The following CDK5RAP2 variants were observed in gnomAD, a reference collection of about 807,000 sequenced individuals.
CDK5RAP2 encodes CDK5 regulatory subunit-associated protein 2.
A neutral mutation model predicts 232.9 loss-of-function variants in CDK5RAP2; 147 were observed. That is an observed-to-expected ratio of 0.63 (90% CI 0.55 to 0.72). The LOEUF is 0.72. Among genes scored for constraint, CDK5RAP2 ranks in the 30% least tolerant of loss-of-function variants. The probability of loss-of-function intolerance (pLI) is 0.00; values close to 1 mark genes in which losing one functional copy is unlikely to be tolerated. For missense variants in CDK5RAP2, 2,195 were observed against 2,231.5 expected (o/e 0.98, Z 0.33); for synonymous variants, 833 against 833.7 (o/e 1.00, Z 0.01).
intron 12 of CDK5RAP2, among the ~76,000 whole-genome samples, chr9:120,506,645 C>T (rs2039828460): frequency 6.6e-6 from 1 of 152,168 alleles, no homozygotes; most frequent in Non-Finnish European, 1.5e-5. Context: ...TTGATTCCAA[C>T]CCTCATGGAT....
intron 28 of CDK5RAP2, among the ~76,000 whole-genome samples, chr9:120,411,849 T>C (rs185335495): frequency 3.0e-4 from 45 of 152,282 alleles, no homozygotes; most frequent in Admixed American, 1.6e-3. Context: ...CTGAACTCCT[T>C]ATCCTTCCAA....
At chr9:120,398,322 T>C (rs563701026) in intron 35 of CDK5RAP2, among the ~76,000 whole-genome samples, 233 of 152,354 alleles carry the variant, frequency 1.5e-3, no homozygotes, top group Non-Finnish European at 9.3e-4. Flanking sequence ...ATAAAAGTAT[T>C]TGCTTTATCT....
At chr9:120,552,525 G>T (rs549569567) in intron 3 of CDK5RAP2, among the ~76,000 whole-genome samples, 2 of 152,046 alleles carry the variant, frequency 1.3e-5, no homozygotes, top group African/African-American at 4.8e-5. Flanking sequence ...AAAAAAGGAT[G>T]AATTCATGTC....
chr9:120,528,035 T>A, intron 9 of CDK5RAP2, 110 bp from the exon 10 acceptor site: 1 of 1,407,466 alleles, frequency 7.1e-7, no homozygotes, highest in Non-Finnish European at 9.9e-7. Context: ...CTTATTCCTG[T>A]CAACCTGTGA....
At chr9:120,428,304 T>C (rs950533631) in intron 25 of CDK5RAP2, among the ~76,000 whole-genome samples, 7 of 151,954 alleles carry the variant, frequency 4.6e-5, no homozygotes, top group African/African-American at 1.7e-4. Flanking sequence ...TTCAAAAAAT[T>C]AATGAATCCA....
At chr9:120,483,067 C>T (rs1025496379) in intron 14 of CDK5RAP2, among the ~76,000 whole-genome samples, 3 of 152,168 alleles carry the variant, frequency 2.0e-5, no homozygotes, top group Non-Finnish European at 4.4e-5. Context: ...CAGCAACCAA[C>T]CCCCACTCTC....
intron 3 of CDK5RAP2, among the ~76,000 whole-genome samples, chr9:120,561,241 T>C (rs151201023): frequency 3.3e-4 from 50 of 152,328 alleles, no homozygotes; most frequent in African/African-American, 1.2e-3. Flanking sequence ...CTTGGTGTTT[T>C]CAAATCATCA....
At chr9:120,438,481 C>A (rs1051784792) in intron 24 of CDK5RAP2, among the ~76,000 whole-genome samples, 3 of 152,136 alleles carry the variant, frequency 2.0e-5, no homozygotes, top group African/African-American at 7.2e-5. Context: ...ATGGGTAACT[C>A]ATGAGTAACA....
chr9:120,552,810 T>A (rs893138339), intron 3 of CDK5RAP2, among the ~76,000 whole-genome samples: 1 of 151,698 alleles, frequency 6.6e-6, no homozygotes. Context: ...AACCTGCACA[T>A]TGTGCACATG....
intron 1 of CDK5RAP2, among the ~76,000 whole-genome samples, chr9:120,577,088 G>A (rs1339037297): frequency 2.0e-5 from 3 of 152,038 alleles, no homozygotes; most frequent in African/African-American, 4.8e-5. Flanking sequence ...CAGGCTGGGC[G>A]CAATGGCACA....
chr9:120,559,405 T>C (rs773745380), intron 3 of CDK5RAP2, among the ~76,000 whole-genome samples: 10 of 143,680 alleles, frequency 7.0e-5, no homozygotes, highest in Non-Finnish European at 1.5e-4. Context: ...GAGAAGGGCA[T>C]GAACCTGGGA....
At chr9:120,444,874 T>A (rs771158317) in intron 22 of CDK5RAP2, among the ~76,000 whole-genome samples, 2 of 152,226 alleles carry the variant, frequency 1.3e-5, no homozygotes, top group Non-Finnish European at 2.9e-5. Flanking sequence ...AATTTCTGTA[T>A]CTGCCTCAAA....
intron 17 of CDK5RAP2, among the ~76,000 whole-genome samples, chr9:120,468,462 T>C (rs1414031902): frequency 6.6e-6 from 1 of 152,248 alleles, no homozygotes; most frequent in African/African-American, 2.4e-5. Flanking sequence ...CCTCCTCCTT[T>C]GTACACCTAT....
chr9:120,440,277 T>G, intron 23 of CDK5RAP2: 2 of 406,936 alleles, frequency 4.9e-6, no homozygotes, highest in Non-Finnish European at 9.2e-6. Context: ...TTCATCGACA[T>G]TCCCAGTATC....
At chr9:120,459,098 T>C (rs2036946358) in intron 19 of CDK5RAP2, among the ~76,000 whole-genome samples, 1 of 152,256 alleles carries the variant, frequency 6.6e-6, no homozygotes, top group Non-Finnish European at 1.5e-5. Context: ...TCTTGCAATG[T>C]ATCCTCCTTA....
chr9:120,503,892 T>C (rs2039689964), intron 12 of CDK5RAP2, among the ~76,000 whole-genome samples: 1 of 151,956 alleles, frequency 6.6e-6, no homozygotes, highest in Admixed American at 6.6e-5. Context: ...TGCCCCTCCC[T>C]CTCACAGGCA....
At position 120,520,794 on chromosome 9, in the gene CDK5RAP2, C is replaced by CAG. The variant is rs2040602267; in HGVS notation, c.1093-2150_1093-2149insCT. On this transcript the variant is annotated intron_variant, in intron 11 of 37. Transcript: ENST00000349780. ...CTCAGATATCTCATGAGATATATCT[C>CAG]ATATATCTCATGAGATATATCTCAT... is the stretch of plus-strand genomic sequence containing the variant. 4.1e-5 allele frequency among the ~76,000 whole-genome samples: 3 copies of CAG among 73,470 alleles called. No individual in the cohort carries two copies. The Admixed American group carries it at 4.1e-4, about 10-fold the overall frequency. 48.2% of individuals were successfully genotyped at this position (73,470 alleles called of 152,430 possible).
intron 7 of CDK5RAP2, among the ~76,000 whole-genome samples, chr9:120,534,799 C>T (rs1054331520): frequency 6.6e-6 from 1 of 152,190 alleles, no homozygotes; most frequent in African/African-American, 2.4e-5. Flanking sequence ...TCCCTGGGTC[C>T]CCTACTCCCA....
At chr9:120,480,464 A>G (rs1343273216) in intron 14 of CDK5RAP2, among the ~76,000 whole-genome samples, 2 of 152,220 alleles carry the variant, frequency 1.3e-5, no homozygotes. Context: ...TATGTTGCAG[A>G]TATCTCAAAA....
Sources: allele counts gnomAD v4.1 joint callset (sites outside exome capture counted in the v4.1 genomes callset), GRCh38; gene constraint gnomAD v4.1.1; transcripts MANE v1.5; gene names NCBI Gene and HGNC (gene_info 2026-07-23, HGNC 2026-07-21).